Variants in LRRC9 observed in about 807,000 individuals in gnomAD.
LRRC9 encodes leucine rich repeat containing 9, also known as leucine-rich repeat-containing protein 9.
Under a neutral mutation model 63.2 loss-of-function variants are expected in LRRC9, and 122 were observed. The ratio of observed to expected loss-of-function variants is 1.93; its 90% CI spans 1.67 to 2.24. LRRC9 has a LOEUF of 2.24. Among genes scored for constraint, LRRC9 ranks in the 30% most tolerant of loss-of-function variants. The pLI is 0.00. For missense variants in LRRC9, 1,071 were observed against 627.7 expected, an observed-to-expected ratio of 1.71 and a Z score of -7.55; for synonymous variants, 366 against 213.1, an observed-to-expected ratio of 1.72 and a Z score of -6.25.
In LRRC9 at chr14:59,985,510, G is replaced by T. The variant is rs182128308; in HGVS notation, c.2211+286G>T. Among the ~76,000 whole-genome samples, 40 of 152,212 alleles carry T rather than the reference G, an allele frequency of 2.6e-4. No individual in the cohort carries two copies. In the East Asian group the frequency reaches 7.7e-3, roughly 29 times the overall value. On this transcript the variant is annotated intron_variant, in intron 17 of 31. Transcript: ENST00000445360. ...GCCAATTTAATATTTTTTAAAAACT[G>T]TGCTGACTCTGGGCACACTGCCCAG...
At chr14:59,946,951 A>C (rs1253518758) in intron 8 of LRRC9, among the ~76,000 whole-genome samples, 3 of 136,460 alleles carry the variant, frequency 2.2e-5, no homozygotes, top group Non-Finnish European at 3.1e-5. Context: ...ATTGTGAATA[A>C]TGCCGCAATA....
chr14:59,973,134 C>T (rs2140041604), intron 12 of LRRC9, among the ~76,000 whole-genome samples: 1 of 152,076 alleles, frequency 6.6e-6, no homozygotes, highest in African/African-American at 2.4e-5. Context: ...ATATAATTTC[C>T]TTTTAAATTT....
intron 16 of LRRC9, among the ~76,000 whole-genome samples, chr14:59,984,071 G>C (rs749958522): frequency 6.6e-6 from 1 of 152,198 alleles, no homozygotes; most frequent in Non-Finnish European, 1.5e-5. Context: ...ATAAAGAAAA[G>C]AGGGAAAGCA....
chr14:59,992,976 A>C (rs897406706), intron 17 of LRRC9, among the ~76,000 whole-genome samples: 2 of 152,142 alleles, frequency 1.3e-5, no homozygotes, highest in East Asian at 1.9e-4. Context: ...GATACTCCTC[A>C]AGAAGAGCAA....
chr14:59,960,202 C>T (rs1052001526), intron 9 of LRRC9, among the ~76,000 whole-genome samples, 188 bp downstream of exon 9: 7 of 152,172 alleles, frequency 4.6e-5, no homozygotes, highest in African/African-American at 1.7e-4. Context: ...AGCTGGCTTA[C>T]AGTTTTTTGC....
Position 60,031,151 on chromosome 14 carries a change from T to C in LRRC9, c.3922-844T>C, listed in dbSNP as rs2140326999. 6.6e-6 allele frequency among the ~76,000 whole-genome samples: 1 copy of C among 152,164 alleles called. No individual in the cohort carries two copies. The highest frequency in any genetic ancestry group is 2.1e-4 in the South Asian group (1 of 4,824). ...AAAAATGCACAATATCTCTATAGAT[T>C]TACAGATTTTTCAAAGCCCTCATTT... is the stretch of plus-strand genomic sequence containing the variant. On this transcript the variant is annotated intron_variant, in intron 28 of 31. Coordinates refer to ENST00000445360, the Ensembl canonical transcript of LRRC9. The surrounding 1 kb of genome is among the most constrained non-coding windows in gnomAD (Gnocchi z 4.6).
chr14:60,065,358 C>A (rs1894859009), downstream of LRRC9, among the ~76,000 whole-genome samples: 1 of 151,398 alleles, frequency 6.6e-6, no homozygotes, highest in South Asian at 2.1e-4. Context: ...GCTGGAATTA[C>A]ACCACCACGC....
rs187959705 is a variant in LRRC9 at position 60,036,843 on chromosome 14, G to A, written c.3990+4780G>A. 4.6e-4 allele frequency among the ~76,000 whole-genome samples: 70 copies of A among 151,884 alleles called. No homozygotes were observed. In the Middle Eastern group the frequency reaches 0.01, roughly 22 times the overall value. ...AAGTTTGTTACATATGTATACATGC[G>A]CCATGTTGGTGTGCTGCACCCGTTA... On this transcript the variant is annotated intron_variant, in intron 29 of 31. Transcript: ENST00000445360.
At chr14:59,957,360 C>A (rs990692406) in intron 8 of LRRC9, among the ~76,000 whole-genome samples, 1 of 151,966 alleles carries the variant, frequency 6.6e-6, no homozygotes, top group African/African-American at 2.4e-5. Context: ...TGTCTTCATG[C>A]CTTATTTCAG....
At chr14:60,000,428 C>G (rs933259603) in intron 19 of LRRC9, among the ~76,000 whole-genome samples, 1 of 152,012 alleles carries the variant, frequency 6.6e-6, no homozygotes, top group Non-Finnish European at 1.5e-5. Flanking sequence ...ACATGTACCC[C>G]CTGAATCTAA....
chr14:59,976,857 C>G (rs1454632651), intron 13 of LRRC9, among the ~76,000 whole-genome samples: 2 of 152,164 alleles, frequency 1.3e-5, no homozygotes, highest in African/African-American at 4.8e-5. Context: ...GTGCCTCCTA[C>G]CATCTAAGCT....
At chr14:60,049,849 T>C (rs952653445) in intron 29 of LRRC9, among the ~76,000 whole-genome samples, 3 of 152,128 alleles carry the variant, frequency 2.0e-5, no homozygotes, top group Non-Finnish European at 4.4e-5. Context: ...CTGAAGTATA[T>C]TTTCTAACTT....
rs538017513 is a variant in LRRC9 at position 59,959,384 on chromosome 14, C to T, written c.883-434C>T. 2.8e-4 allele frequency among the ~76,000 whole-genome samples: 43 copies of T among 152,226 alleles called. 2 individuals are homozygous for T. The South Asian group carries it at 8.7e-3, about 31-fold the overall frequency. ...TTTTAATAGTTATTTTTTTCCAGAA[C>T]ACCAAAGTGGTGAAAAATACTGAAA... is the stretch of plus-strand genomic sequence containing the variant. On this transcript the variant is annotated intron_variant, in intron 8 of 31. Coordinates refer to ENST00000445360, the Ensembl canonical transcript of LRRC9.
chr14:60,013,788 A>C (rs1420874713), intron 23 of LRRC9, among the ~76,000 whole-genome samples: 1 of 152,104 alleles, frequency 6.6e-6, no homozygotes, highest in Non-Finnish European at 1.5e-5. Flanking sequence ...TTCAACCTGC[A>C]TATATTATTA....
chr14:60,024,564 A>G lies in LRRC9; in HGVS notation c.3703+1694A>G, dbSNP rs904428433. Among the ~76,000 whole-genome samples, 4 of 152,236 alleles carry G rather than the reference A, an allele frequency of 2.6e-5. 1 individual carries two copies. In the South Asian group the frequency reaches 6.2e-4, roughly 24 times the overall value. ...TCTCAAAGACAGGCCTTTCTAGACCATATTTTTAAAAATTTGAATGCATCT... is the reference window on the plus strand; with the variant it reads ...TCTCAAAGACAGGCCTTTCTAGACCGTATTTTTAAAAATTTGAATGCATCT... On this transcript the variant is annotated intron_variant, in intron 27 of 31. Transcript: ENST00000445360.
chr14:59,929,699 A>C (rs1889525657), intron 3 of LRRC9, among the ~76,000 whole-genome samples: 1 of 152,186 alleles, frequency 6.6e-6, no homozygotes, highest in Admixed American at 6.5e-5. Context: ...AGTAGACTGG[A>C]TAAAGAAACT....
chr14:60,020,479 G>T (rs1456600587), intron 26 of LRRC9, among the ~76,000 whole-genome samples: 1 of 151,458 alleles, frequency 6.6e-6, no homozygotes, highest in Non-Finnish European at 1.5e-5. Flanking sequence ...TAGTTTTATT[G>T]AAGTGGCAGT....
At chr14:60,016,366 A>T (rs1890686243) in intron 23 of LRRC9, among the ~76,000 whole-genome samples, 1 of 151,870 alleles carries the variant, frequency 6.6e-6, no homozygotes, top group East Asian at 1.9e-4. Flanking sequence ...ACTGTGCTTG[A>T]CTAATTCTTT....
chr14:59,952,831 C>T (rs1883316110), intron 8 of LRRC9, among the ~76,000 whole-genome samples: 1 of 152,086 alleles, frequency 6.6e-6, no homozygotes, highest in Non-Finnish European at 1.5e-5. Context: ...GCAACAGGAC[C>T]TGGTGTGTGA....
Sources: gnomAD v4.1 joint callset for allele counts (sites outside exome capture counted in the v4.1 genomes callset) on GRCh38, gnomAD v4.1.1 for gene constraint, Gnocchi (gnomAD v3.1) non-coding constraint, MANE v1.5 for transcripts, NCBI Gene and HGNC (gene_info 2026-07-23, HGNC 2026-07-21) for gene names.